GPHN: variants seen among roughly 807,000 people sequenced by gnomAD.
GPHN encodes the protein gephyrin.
GPHN carries 17 observed loss-of-function variants against 95.5 expected under a neutral mutation model. The ratio of observed to expected loss-of-function variants is 0.18; its 90% CI spans 0.12 to 0.27. The LOEUF (loss-of-function observed/expected upper bound fraction) is 0.27, where lower values mean the gene tolerates loss of function less well. GPHN is among the 10% of genes least tolerant of loss of function. GPHN has a pLI of 1.00. For synonymous variants in GPHN, 320 were observed against 322.5 expected, an observed-to-expected ratio of 0.99 and a Z score of 0.08; for missense variants, 660 against 978.1, an observed-to-expected ratio of 0.67 and a Z score of 4.34.
chr14:67,605,693 T>C, the GPHN span, among the ~76,000 whole-genome samples: 1 of 151,798 alleles, frequency 6.6e-6, no homozygotes, highest in Admixed American at 6.6e-5. Flanking sequence ...CTCATATTAA[T>C]TTTTTTTTAT....
the GPHN span, among the ~76,000 whole-genome samples, chr14:67,732,277 A>C: frequency 6.6e-6 from 1 of 151,974 alleles, no homozygotes; most frequent in East Asian, 1.9e-4. Context: ...ATCTCTACTA[A>C]AAATCAAAAA....
chr14:67,559,587 A>G, the GPHN span: 8 of 1,529,506 alleles, frequency 5.2e-6, no homozygotes, highest in Admixed American at 1.5e-4. Context: ...GGATTAACGG[A>G]AGGCCCTCTC....
chr14:67,036,513 A>G (rs1445871830), intron 10 of GPHN, among the ~76,000 whole-genome samples: 1 of 146,614 alleles, frequency 6.8e-6, no homozygotes, highest in Non-Finnish European at 1.5e-5. Flanking sequence ...ACACACACAC[A>G]CACACACACA....
At chr14:67,582,027 G>A in the GPHN span, 2 of 1,580,422 alleles carry the variant, frequency 1.3e-6, no homozygotes, top group Non-Finnish European at 1.7e-6. The surrounding 1 kb of genome is among the most constrained non-coding windows in gnomAD (Gnocchi z 5.0). Context: ...TCCCTGTTTG[G>A]AATCCCTGCT....
chr14:67,692,961 C>T, the GPHN span: 1 of 1,613,958 alleles, frequency 6.2e-7, no homozygotes, highest in Non-Finnish European at 8.5e-7. Flanking sequence ...TTGGCTGTCT[C>T]CTTCCCGATA....
At chr14:66,529,140 A>G (rs780383342) in intron 1 of GPHN, among the ~76,000 whole-genome samples, 5 of 151,260 alleles carry the variant, frequency 3.3e-5, no homozygotes, top group Admixed American at 6.6e-5. Flanking sequence ...ATAGTCCCAT[A>G]TTTCTTGGAG....
rs548488620 is a variant in GPHN, at chr14:66,594,971, T to C, written c.65-86136T>C. On this transcript the variant is annotated intron_variant, in intron 1 of 22. Transcript: ENST00000478722. ...ACTTGAAAGTAAGAAAACAATCTGA[T>C]ATAAAAACATGCAAAGGACCTATAT... Among the ~76,000 whole-genome samples the C allele has an allele frequency of 2.6e-5, 4 of 152,262 alleles. 1 individual carries two copies. The South Asian group carries it at 8.3e-4, about 32-fold the overall frequency.
chr14:67,309,481 G>A, the GPHN span, among the ~76,000 whole-genome samples: 5 of 152,110 alleles, frequency 3.3e-5, no homozygotes, highest in East Asian at 7.7e-4. Context: ...TATTTTAGAT[G>A]GGACTAGAGA....
At chr14:67,388,449 A>C in the GPHN span, 1 of 647,744 alleles carries the variant, frequency 1.5e-6, no homozygotes, top group Non-Finnish European at 2.8e-6. Context: ...CACATGGCCA[A>C]AGCTGCATGC....
chr14:67,392,450 G>A, the GPHN span: 8 of 1,558,330 alleles, frequency 5.1e-6, no homozygotes, highest in African/African-American at 1.4e-5. Flanking sequence ...AGGGAGCAAG[G>A]ACTCTGCTAC....
the GPHN span, among the ~76,000 whole-genome samples, chr14:67,192,712 T>A: frequency 1.2e-4 from 18 of 149,294 alleles, no homozygotes; most frequent in South Asian, 2.1e-4. Flanking sequence ...GCTGCTGTTT[T>A]AAAAAAAAAA....
chr14:67,569,511 A>C, the GPHN span, among the ~76,000 whole-genome samples: 1 of 146,486 alleles, frequency 6.8e-6, no homozygotes, highest in African/African-American at 2.4e-5. Flanking sequence ...CTGCAGTGCC[A>C]GGGCCGTGGG....
chr14:67,278,437 A>G, the GPHN span, among the ~76,000 whole-genome samples: 1 of 151,868 alleles, frequency 6.6e-6, no homozygotes. Flanking sequence ...CTCAGCTGCT[A>G]ATTGAAGTTT....
the GPHN span, among the ~76,000 whole-genome samples, chr14:67,513,575 C>T: frequency 2.0e-5 from 3 of 152,212 alleles, no homozygotes; most frequent in Non-Finnish European, 2.9e-5. Context: ...ACACAAAGCC[C>T]CTGATGGGGG....
chr14:67,567,692 CT>C, the GPHN span, among the ~76,000 whole-genome samples: 10 of 152,156 alleles, frequency 6.6e-5, no homozygotes, highest in African/African-American at 2.4e-4. Context: ...TGTCCCAGGG[CT>C]GCTGCTCCCC....
intron 2 of GPHN, among the ~76,000 whole-genome samples, chr14:66,761,820 C>T (rs145847717): frequency 0.059 from 9,017 of 152,136 alleles, 358 homozygotes; most frequent in Middle Eastern, 0.099. Flanking sequence ...CCACCACTCC[C>T]AGCTAATTTC....
At chr14:67,034,176 A>C (rs1243736311) in intron 10 of GPHN, among the ~76,000 whole-genome samples, 1 of 152,184 alleles carries the variant, frequency 6.6e-6, no homozygotes, top group African/African-American at 2.4e-5. Context: ...ACAAATTCAG[A>C]ATACTATATT....
At chr14:67,204,941 C>A in the GPHN span, 1 of 1,612,224 alleles carries the variant, frequency 6.2e-7, no homozygotes, top group South Asian at 1.1e-5. Flanking sequence ...AATGAGGTCC[C>A]AGAGGTCCCG....
chr14:67,070,272 A>G (rs920100992), intron 11 of GPHN, among the ~76,000 whole-genome samples: 3 of 150,572 alleles, frequency 2.0e-5, no homozygotes, highest in African/African-American at 7.3e-5. Context: ...TGTGACATAT[A>G]TGTGTGTATA....
Sources: gnomAD v4.1 joint callset for allele counts (sites outside exome capture counted in the v4.1 genomes callset) on GRCh38, gnomAD v4.1.1 for gene constraint, Gnocchi (gnomAD v3.1) non-coding constraint, MANE v1.5 for transcripts, NCBI Gene and HGNC (gene_info 2026-07-23, HGNC 2026-07-21) for gene names.